The following ACOXL variants were observed in gnomAD, a reference collection of about 807,000 sequenced individuals.
ACOXL encodes acyl-coenzyme A oxidase-like protein.
Under a neutral mutation model 71.9 loss-of-function variants are expected in ACOXL, and 70 were observed. That is an observed-to-expected ratio of 0.97 (90% CI 0.80 to 1.19). ACOXL has a LOEUF of 1.19. Ranked by LOEUF, ACOXL falls within the 50% of genes most tolerant of loss-of-function variation. ACOXL has a pLI of 0.00. For synonymous variants in ACOXL, 253 were observed against 281.6 expected, an observed-to-expected ratio of 0.90 and a Z score of 1.02; for missense variants, 703 against 736.3, an observed-to-expected ratio of 0.95 and a Z score of 0.52.
intron 10 of ACOXL, among the ~76,000 whole-genome samples, chr2:110,849,486 C>G (rs757395261): frequency 1.3e-5 from 2 of 152,174 alleles, no homozygotes; most frequent in African/African-American, 4.8e-5. Context: ...GGCTGCGTGC[C>G]GTGGTTCACG....
intron 16 of ACOXL, among the ~76,000 whole-genome samples, chr2:111,057,045 C>T (rs1263472242): frequency 6.6e-6 from 1 of 152,066 alleles, no homozygotes; most frequent in Non-Finnish European, 1.5e-5. Flanking sequence ...GGCTAAGTGC[C>T]GAGAGCAAAG....
chr2:110,874,259 A>G (rs1695623398), intron 10 of ACOXL, among the ~76,000 whole-genome samples: 1 of 152,154 alleles, frequency 6.6e-6, no homozygotes, highest in South Asian at 2.1e-4. Flanking sequence ...TGGGCACGAC[A>G]TTTGCGTGCC....
At chr2:110,936,649 G>A (rs2060673913) in intron 12 of ACOXL, among the ~76,000 whole-genome samples, 1 of 152,136 alleles carries the variant, frequency 6.6e-6, no homozygotes, top group Non-Finnish European at 1.5e-5. Context: ...ACAGCTCACA[G>A]TACTCAGAGA....
Position 110,762,340 on chromosome 2 carries a change from G to A in ACOXL, c.-22-6028G>A, listed in dbSNP as rs1680512702. 2.6e-5 allele frequency among the ~76,000 whole-genome samples: 4 copies of A among 151,808 alleles called. 1 individual carries two copies. The South Asian group carries it at 8.3e-4, about 31-fold the overall frequency. The stretch of plus-strand genomic sequence containing the variant: ...GGTATTTAAACCATTTACATTTAGG[G>A]TAATTATTGATATGTCAATGTTTAC... On this transcript the variant is annotated intron_variant, in intron 1 of 17. Coordinates refer to ENST00000439055, the MANE Select transcript of ACOXL (RefSeq NM_001142807.4).
At chr2:110,795,521 T>C (rs1175984690) in intron 5 of ACOXL, 2 of 152,238 alleles carry the variant, frequency 1.3e-5, no homozygotes, top group Non-Finnish European at 2.9e-5. Flanking sequence ...GGCTAAGCAG[T>C]CTACTTGTAA....
In ACOXL at chr2:110,863,591, G is replaced by A. The variant is rs914151888; in HGVS notation, c.788+22186G>A. 1.5e-4 allele frequency among the ~76,000 whole-genome samples: 23 copies of A among 152,022 alleles called. 1 individual carries two copies. Among genetic ancestry groups the A allele is most frequent in the Admixed American group, 1.4e-3 (22 of 15,274 alleles). The stretch of plus-strand genomic sequence containing the variant: ...CCTGAAGGTTATGTGATTTCCCTGA[G>A]CACCCCCCCCAACTGGTTGGTAACA... On this transcript the variant is annotated intron_variant, in intron 10 of 17. Transcript: ENST00000439055.
intron 10 of ACOXL, among the ~76,000 whole-genome samples, chr2:110,866,122 G>A (rs1292475600): frequency 6.6e-6 from 1 of 152,234 alleles, no homozygotes; most frequent in African/African-American, 2.4e-5. Flanking sequence ...GTCCAGGCCT[G>A]TGGCGTGCCG....
At chr2:110,772,993 A>G (rs1456810653) in intron 2 of ACOXL, among the ~76,000 whole-genome samples, 1 of 152,180 alleles carries the variant, frequency 6.6e-6, no homozygotes, top group Admixed American at 6.5e-5. Context: ...AAATTATGCA[A>G]TATGGTAAAT....
chr2:111,051,716 C>T (rs2066296793), intron 16 of ACOXL, among the ~76,000 whole-genome samples: 2 of 152,114 alleles, frequency 1.3e-5, no homozygotes, highest in Non-Finnish European at 2.9e-5. Flanking sequence ...GTGATCCACC[C>T]GCCTCGGCCT....
intron 17 of ACOXL, among the ~76,000 whole-genome samples, chr2:111,116,809 C>T (rs2070387389): frequency 7.2e-6 from 1 of 139,334 alleles, no homozygotes; most frequent in Admixed American, 6.9e-5. Context: ...AGCTTTTTTT[C>T]CTGAAAATAA....
intron 3 of ACOXL, among the ~76,000 whole-genome samples, chr2:110,788,868 A>G (rs1171236277): frequency 6.6e-6 from 1 of 152,182 alleles, no homozygotes. Flanking sequence ...TGTGCTGGGA[A>G]CAGTTCCTGT....
At chr2:110,734,692 C>G (rs1462299159) in intron 1 of ACOXL, among the ~76,000 whole-genome samples, 1 of 152,094 alleles carries the variant, frequency 6.6e-6, no homozygotes, top group African/African-American at 2.4e-5. Context: ...GCTATCACCT[C>G]TTTGTCTTTC....
intron 16 of ACOXL, among the ~76,000 whole-genome samples, chr2:111,064,227 G>T (rs2149894741): frequency 6.6e-6 from 1 of 152,222 alleles, no homozygotes; most frequent in Non-Finnish European, 1.5e-5. Context: ...ACGAGGTCAG[G>T]AGATCGAGAC....
chr2:110,979,103 C>CA (rs2062590068), intron 12 of ACOXL, among the ~76,000 whole-genome samples: 1 of 146,656 alleles, frequency 6.8e-6, no homozygotes, highest in Admixed American at 7.0e-5. Flanking sequence ...GGAACAACAG[C>CA]CGGCCCTGCG....
At chr2:111,032,281 T>C (rs2065312634) in intron 15 of ACOXL, among the ~76,000 whole-genome samples, 1 of 152,170 alleles carries the variant, frequency 6.6e-6, no homozygotes, top group South Asian at 2.1e-4. Context: ...AGAGGGGTAG[T>C]GCCACTGGTG....
chr2:110,888,000 T>C (rs1419975526), intron 10 of ACOXL: 1 of 152,176 alleles, frequency 6.6e-6, no homozygotes, highest in Admixed American at 6.5e-5. Context: ...AAATAAACAT[T>C]TTAAGTGATT....
At chr2:111,054,841 C>A (rs1422963752) in intron 16 of ACOXL, among the ~76,000 whole-genome samples, 1 of 152,178 alleles carries the variant, frequency 6.6e-6, no homozygotes, top group East Asian at 1.9e-4. Flanking sequence ...AAGGCATTTT[C>A]CCCTAGCCTG....
At position 111,074,124 on chromosome 2, in the gene ACOXL, T is replaced by C. The variant is rs183751588; in HGVS notation, c.1441-18741T>C. On this transcript the variant is annotated intron_variant, in intron 16 of 17. Coordinates refer to ENST00000439055, the MANE Select transcript of ACOXL (RefSeq NM_001142807.4). ...AACCTGCTAAGCTCGTTATTAGTTCTAGAGGATTTAGGGCATGTCGGGGGA... is the reference window on the plus strand; with the variant it reads ...AACCTGCTAAGCTCGTTATTAGTTCCAGAGGATTTAGGGCATGTCGGGGGA... Among the ~76,000 whole-genome samples, 378 of 150,340 alleles carry C rather than the reference T, an allele frequency of 2.5e-3. 1 individual carries two copies. The highest frequency in any genetic ancestry group is 9.0e-3 in the African/African-American group (363 of 40,144).
intron 10 of ACOXL, among the ~76,000 whole-genome samples, chr2:110,896,067 T>C (rs950977939): frequency 1.3e-5 from 2 of 152,214 alleles, no homozygotes; most frequent in Admixed American, 6.5e-5. Context: ...TCTAAATTAA[T>C]AGAAGAAATA....
Sources: allele counts gnomAD v4.1 joint callset (sites outside exome capture counted in the v4.1 genomes callset), GRCh38; gene constraint gnomAD v4.1.1; transcripts MANE v1.5; gene names NCBI Gene and HGNC (gene_info 2026-07-23, HGNC 2026-07-21).